PPP2R2C: variants seen among roughly 807,000 people sequenced by gnomAD.
The protein encoded by PPP2R2C is protein phosphatase 2, regulatory subunit B, gamma.
A neutral mutation model predicts 45.3 loss-of-function variants in PPP2R2C; 10 were observed. That is an observed-to-expected ratio of 0.22 (90% CI 0.14 to 0.37). PPP2R2C has a LOEUF of 0.37. Among genes scored for constraint, PPP2R2C ranks in the 10% least tolerant of loss-of-function variants. The probability of loss-of-function intolerance (pLI) is 1.00; values close to 1 mark genes in which losing one functional copy is unlikely to be tolerated. For synonymous variants in PPP2R2C, 257 were observed against 245.4 expected (o/e 1.05, Z -0.44); for missense variants, 308 against 619.7 (o/e 0.50, Z 5.34).
At chr4:6,412,866 C>T (rs965002215) in intron 1 of PPP2R2C, among the ~76,000 whole-genome samples, 3 of 152,200 alleles carry the variant, frequency 2.0e-5, no homozygotes, top group African/African-American at 4.8e-5. Flanking sequence ...TTGCCCCTTC[C>T]CCCATGTGAG....
At chr4:6,409,751 T>C (rs1718031749) in intron 1 of PPP2R2C, among the ~76,000 whole-genome samples, 1 of 152,058 alleles carries the variant, frequency 6.6e-6, no homozygotes, top group South Asian at 2.1e-4. Flanking sequence ...AAGTCATGGG[T>C]GGAGCTGGGG....
chr4:6,349,462 A>G (rs1712328370), intron 5 of PPP2R2C: 1 of 984,864 alleles, frequency 1.0e-6, no homozygotes, highest in Admixed American at 6.1e-5. Flanking sequence ...AGCTCAATGA[A>G]TGTCAGTTTC....
intron 1 of PPP2R2C, among the ~76,000 whole-genome samples, chr4:6,551,592 C>T (rs1349468966): frequency 1.3e-5 from 2 of 152,192 alleles, no homozygotes; most frequent in African/African-American, 2.4e-5. Flanking sequence ...GCATCAAAGG[C>T]CACACAACTG....
intron 1 of PPP2R2C, among the ~76,000 whole-genome samples, chr4:6,401,101 T>C (rs1020879121): frequency 2.0e-5 from 3 of 152,224 alleles, no homozygotes; most frequent in Non-Finnish European, 2.9e-5. Flanking sequence ...TTCTGGACTA[T>C]AAAATATGAA....
chr4:6,411,677 T>C (rs991698654), intron 1 of PPP2R2C, among the ~76,000 whole-genome samples: 2 of 151,898 alleles, frequency 1.3e-5, no homozygotes, highest in African/African-American at 2.4e-5. Context: ...CTCAGCCTCC[T>C]GAGTAGCTGG....
At chr4:6,367,672 C>T (rs551210542) in intron 5 of PPP2R2C, among the ~76,000 whole-genome samples, 5 of 152,358 alleles carry the variant, frequency 3.3e-5, no homozygotes, top group South Asian at 2.1e-4. Flanking sequence ...GCAGCACCTG[C>T]AGCCCACAGT....
At chr4:6,420,341 G>A (rs994675990) in intron 1 of PPP2R2C, among the ~76,000 whole-genome samples, 2 of 150,210 alleles carry the variant, frequency 1.3e-5, no homozygotes, top group Admixed American at 6.7e-5. Context: ...ATCATTCACC[G>A]TACATGAATC....
chr4:6,348,564 C>A, intron 5 of PPP2R2C: 2 of 877,364 alleles, frequency 2.3e-6, no homozygotes, highest in Non-Finnish European at 2.7e-6. Context: ...GGAGATTCTC[C>A]TTTGGGCAAA....
At chr4:6,416,443 TCCCAGCTCCTCCTGATCCTCACCTGTGC>T (rs1444131981) in intron 1 of PPP2R2C, among the ~76,000 whole-genome samples, 1 of 152,182 alleles carries the variant, frequency 6.6e-6, no homozygotes, top group Non-Finnish European at 1.5e-5. Context: ...CGGATGTCCC[TCCCAGCTCCTCCTGATCCTCACCTGTGC>T]CCCAGCTCAG....
At chr4:6,437,916 G>A (rs544379028) in intron 1 of PPP2R2C, among the ~76,000 whole-genome samples, 124 of 152,280 alleles carry the variant, frequency 8.1e-4, no homozygotes, top group African/African-American at 2.9e-3. Flanking sequence ...GCCTTAGAAG[G>A]GAGGGGATAG....
At chr4:6,338,186 C>A (rs1286722044) in intron 6 of PPP2R2C, among the ~76,000 whole-genome samples, 1 of 152,228 alleles carries the variant, frequency 6.6e-6, no homozygotes, top group Non-Finnish European at 1.5e-5. Flanking sequence ...GCCCCCATCA[C>A]TTGTGATGGG....
intron 1 of PPP2R2C, among the ~76,000 whole-genome samples, chr4:6,540,109 G>A (rs964566479): frequency 6.6e-5 from 10 of 152,222 alleles, no homozygotes; most frequent in African/African-American, 2.4e-4. Context: ...TTTATAAAGT[G>A]TACAATTCAG....
chr4:6,520,525 G>C (rs749222051), intron 2 of PPP2R2C, among the ~76,000 whole-genome samples: 5 of 152,332 alleles, frequency 3.3e-5, no homozygotes, highest in Non-Finnish European at 5.9e-5. Flanking sequence ...GCCTGAAACA[G>C]AGCATGACAG....
At chr4:6,512,509 A>G (rs143916453) in intron 2 of PPP2R2C, among the ~76,000 whole-genome samples, 270 of 41,980 alleles carry the variant, frequency 6.4e-3, no homozygotes, top group East Asian at 0.011. Flanking sequence ...GGTGGTGGTG[A>G]TGTTGGTGGT....
intron 1 of PPP2R2C, among the ~76,000 whole-genome samples, chr4:6,546,995 A>G (rs1213345077): frequency 6.6e-6 from 1 of 152,210 alleles, no homozygotes; most frequent in Admixed American, 6.5e-5. Flanking sequence ...GACAGCCTCT[A>G]AATGCTCCCA....
chr4:6,518,350 A>G (rs1723891875), intron 2 of PPP2R2C, among the ~76,000 whole-genome samples: 1 of 152,220 alleles, frequency 6.6e-6, no homozygotes. Flanking sequence ...GAGAAAATTA[A>G]TGAAATCAAA....
At chr4:6,384,800 G>A (rs1235477164) in intron 1 of PPP2R2C, 18 of 985,322 alleles carry the variant, frequency 1.8e-5, no homozygotes, top group Non-Finnish European at 2.0e-5. Flanking sequence ...ATTTCCATTT[G>A]GCAGCAGAGG....
chr4:6,552,713 G>A (rs1342135190), intron 1 of PPP2R2C, among the ~76,000 whole-genome samples: 1 of 152,190 alleles, frequency 6.6e-6, no homozygotes, highest in African/African-American at 2.4e-5. Context: ...CTTTTGCCAT[G>A]TAAGGTAACA....
At chr4:6,527,014 C>A (rs554718817) in intron 2 of PPP2R2C, among the ~76,000 whole-genome samples, 3 of 152,158 alleles carry the variant, frequency 2.0e-5, no homozygotes, top group Non-Finnish European at 2.9e-5. Context: ...AGACGCCAAC[C>A]ACGGCTTCAA....
Sources: gnomAD v4.1 joint callset for allele counts (sites outside exome capture counted in the v4.1 genomes callset) on GRCh38, gnomAD v4.1.1 for gene constraint, MANE v1.5 for transcripts, NCBI Gene and HGNC (gene_info 2026-07-23, HGNC 2026-07-21) for gene names.